The following WWOX variants were observed in gnomAD, a reference collection of about 807,000 sequenced individuals.
WWOX encodes the protein WW domain containing oxidoreductase, also known as WW domain-containing oxidoreductase.
WWOX carries 69 observed loss-of-function variants against 46.2 expected under a neutral mutation model. The ratio of observed to expected loss-of-function variants is 1.49; its 90% CI spans 1.23 to 1.82. The LOEUF (loss-of-function observed/expected upper bound fraction) is 1.82, where lower values mean the gene tolerates loss of function less well. Among genes scored for constraint, WWOX ranks in the 40% most tolerant of loss-of-function variants. The pLI is 0.00. For missense variants in WWOX, 919 were observed against 542.6 expected, an observed-to-expected ratio of 1.69 and a Z score of -6.89; for synonymous variants, 359 against 202.6, an observed-to-expected ratio of 1.77 and a Z score of -6.56.
chr16:78,558,216 C>T (rs769117205), intron 8 of WWOX, among the ~76,000 whole-genome samples: 12 of 152,310 alleles, frequency 7.9e-5, no homozygotes, highest in South Asian at 6.2e-4. Flanking sequence ...TTTGCCCTTC[C>T]GATCCCTGGG....
chr16:78,563,008 C>T (rs895326295), intron 8 of WWOX, among the ~76,000 whole-genome samples: 6 of 151,898 alleles, frequency 4.0e-5, no homozygotes, highest in Admixed American at 3.9e-4. Context: ...TAATCCCTCC[C>T]CCTATCTTTC....
intron 8 of WWOX, among the ~76,000 whole-genome samples, chr16:78,569,227 T>A (rs777442728): frequency 6.6e-6 from 1 of 152,210 alleles, no homozygotes; most frequent in Non-Finnish European, 1.5e-5. Context: ...GAATCAAAAA[T>A]AGAAAAGTGC....
chr16:78,690,963 A>T (rs2142264816), intron 8 of WWOX, among the ~76,000 whole-genome samples: 1 of 152,294 alleles, frequency 6.6e-6, no homozygotes, highest in East Asian at 1.9e-4. Context: ...TTGTGAAACC[A>T]GGCCTCAATC....
At chr16:78,864,751 CTCCTTTTTTTTTT>C (rs2043965350) in intron 8 of WWOX, among the ~76,000 whole-genome samples, 1 of 126,498 alleles carries the variant, frequency 7.9e-6, no homozygotes, top group Non-Finnish European at 1.6e-5. Flanking sequence ...TTTTCTCCAA[CTCCTTTTTTTTTT>C]TTTTTTTTTT....
chr16:78,694,111 A>G (rs1370657217), intron 8 of WWOX, among the ~76,000 whole-genome samples: 1 of 152,100 alleles, frequency 6.6e-6, no homozygotes, highest in African/African-American at 2.4e-5. Flanking sequence ...GTGTGCATAT[A>G]ATCCCAGCTA....
intron 8 of WWOX, chr16:78,526,565 C>A (rs112959416): frequency 1.3e-5 from 2 of 152,130 alleles, no homozygotes; most frequent in Admixed American, 1.3e-4. Flanking sequence ...CTAGGGCAAA[C>A]AGGTGTCCCC....
chr16:78,099,971 C>A, intron 1 of WWOX, 86 bp downstream of exon 1: 1 of 1,519,356 alleles, frequency 6.6e-7, no homozygotes, highest in Non-Finnish European at 8.8e-7. Flanking sequence ...ACGCGCACTC[C>A]AGCGCAGCGC....
chr16:78,717,728 C>A (rs1435917249), intron 8 of WWOX, among the ~76,000 whole-genome samples: 1 of 152,116 alleles, frequency 6.6e-6, no homozygotes, highest in African/African-American at 2.4e-5. Flanking sequence ...ATGCCGGCTT[C>A]CTTTGGGTTG....
At chr16:78,139,102 A>T (rs2033899017) in intron 4 of WWOX, among the ~76,000 whole-genome samples, 1 of 152,070 alleles carries the variant, frequency 6.6e-6, no homozygotes, top group Admixed American at 6.5e-5. Context: ...TGGCAAAGTC[A>T]TTGGGTCATG....
At chr16:78,440,282 A>G (rs956199312) in intron 8 of WWOX, among the ~76,000 whole-genome samples, 2 of 152,048 alleles carry the variant, frequency 1.3e-5, no homozygotes, top group East Asian at 1.9e-4. Context: ...CATCCACTTG[A>G]CCCACCATAC....
chr16:78,184,020 G>A (rs2035616349), intron 5 of WWOX, among the ~76,000 whole-genome samples: 1 of 152,146 alleles, frequency 6.6e-6, no homozygotes, highest in Non-Finnish European at 1.5e-5. Context: ...CTCAATTGCA[G>A]CTCCAATATA....
chr16:79,204,732 C>T (rs1306915271), intron 8 of WWOX: 1 of 152,210 alleles, frequency 6.6e-6, no homozygotes, highest in Non-Finnish European at 1.5e-5. Context: ...TTGGCCTTCC[C>T]AGAACAAACA....
rs1175717372 is a variant in WWOX at position 78,356,757 on chromosome 16, C to G, written c.517-30103C>G. On this transcript the variant is annotated intron_variant, in intron 5 of 8. Coordinates refer to ENST00000566780, the MANE Select transcript of WWOX (RefSeq NM_016373.4). ...ATTAGCCGGGCATAGTGGCATGAGC[C>G]TGTAATCCCAGCGACTCGGGAGGCT... Among the ~76,000 whole-genome samples, 5 of 152,130 alleles carry G rather than the reference C, an allele frequency of 3.3e-5. No individual in the cohort carries two copies. The East Asian group carries it at 9.7e-4, about 29-fold the overall frequency.
At chr16:78,224,809 A>G (rs531281045) in intron 5 of WWOX, among the ~76,000 whole-genome samples, 2 of 152,346 alleles carry the variant, frequency 1.3e-5, no homozygotes, top group East Asian at 3.9e-4. Context: ...AGTAAGAGAA[A>G]GGTAGAATCT....
intron 8 of WWOX, among the ~76,000 whole-genome samples, chr16:79,041,534 C>T (rs1360819410): frequency 6.6e-6 from 1 of 152,136 alleles, no homozygotes; most frequent in Non-Finnish European, 1.5e-5. Context: ...TCATCAGCTG[C>T]TTAGCAGGGG....
chr16:78,137,300 C>T (rs1381673928), intron 4 of WWOX, among the ~76,000 whole-genome samples: 2 of 152,166 alleles, frequency 1.3e-5, no homozygotes, highest in African/African-American at 2.4e-5. Context: ...GATAACTAGA[C>T]GTGCTGTTTT....
intron 6 of WWOX, among the ~76,000 whole-genome samples, chr16:78,418,149 A>G (rs1341933129): frequency 5.3e-5 from 8 of 151,944 alleles, no homozygotes; most frequent in African/African-American, 1.5e-4. Context: ...TCACGAGGTC[A>G]GGAGGTCAAG....
intron 8 of WWOX, among the ~76,000 whole-genome samples, chr16:78,840,622 G>A (rs1370030815): frequency 1.3e-5 from 2 of 151,968 alleles, no homozygotes; most frequent in African/African-American, 4.8e-5. Flanking sequence ...CAAATGTGAT[G>A]TCCTCATAAA....
At chr16:78,535,856 C>G (rs570592619) in intron 8 of WWOX, among the ~76,000 whole-genome samples, 21 of 152,030 alleles carry the variant, frequency 1.4e-4, no homozygotes, top group Non-Finnish European at 2.8e-4. Context: ...TGACCTAGAG[C>G]AAGGGGTTTA....
Sources: gnomAD v4.1 joint callset for allele counts (sites outside exome capture counted in the v4.1 genomes callset) on GRCh38, gnomAD v4.1.1 for gene constraint, MANE v1.5 for transcripts, NCBI Gene and HGNC (gene_info 2026-07-23, HGNC 2026-07-21) for gene names.